The following OSBPL10 variants were observed in gnomAD, a reference collection of about 807,000 sequenced individuals.
The protein encoded by OSBPL10 is oxysterol-binding protein-related protein 10.
A neutral mutation model predicts 81.7 loss-of-function variants in OSBPL10; 49 were observed. That is an observed-to-expected ratio of 0.60 (90% CI 0.48 to 0.76). The LOEUF is 0.76. OSBPL10 is among the 30% of genes least tolerant of loss of function. OSBPL10 has a pLI of 0.00. For synonymous variants in OSBPL10, 419 were observed against 383.6 expected, an observed-to-expected ratio of 1.09 and a Z score of -1.08; for missense variants, 923 against 987.8, an observed-to-expected ratio of 0.93 and a Z score of 0.88.
At chr3:31,682,623 G>GC (rs1353139983) in intron 8 of OSBPL10, among the ~76,000 whole-genome samples, 1 of 152,132 alleles carries the variant, frequency 6.6e-6, no homozygotes, top group African/African-American at 2.4e-5. Flanking sequence ...AAGCTCAACT[G>GC]CCCTCTCCCT....
At chr3:31,989,358 A>T in intron 2 of OSBPL10, 7 of 1,614,204 alleles carry the variant, frequency 4.3e-6, no homozygotes, top group Non-Finnish European at 5.9e-6. Flanking sequence ...AAAGACATGA[A>T]AGTCATCACA....
chr3:31,756,549 A>G (rs1575524521), intron 4 of OSBPL10, among the ~76,000 whole-genome samples: 1 of 152,200 alleles, frequency 6.6e-6, no homozygotes, highest in Non-Finnish European at 1.5e-5. Flanking sequence ...TTATATCTAC[A>G]CACACAGAGG....
rs562992219 is a variant in OSBPL10, at chr3:31,660,917, A to G, written c.*1155T>C. The G allele has an allele frequency of 3.3e-5, 5 of 152,810 alleles. No individual in the cohort carries two copies. In the East Asian group the frequency reaches 9.6e-4, roughly 29 times the overall value. The allele number at this position is 152,810 out of a possible 1,614,324, so 9.5% of individuals were successfully genotyped here. A position where few individuals can be genotyped will look rare whatever the true frequency, so the allele number is the denominator to read the frequency against. ...CAAAAGGCACAAAATTAGTATTACT[A>G]CAGAGAAGCATTCATGCTATTTGGA... On this transcript the variant is annotated 3_prime_UTR_variant, in exon 12 of 12. Coordinates refer to ENST00000396556, the MANE Select transcript of OSBPL10 (RefSeq NM_017784.5).
chr3:31,791,665 C>A (rs1028200893), intron 4 of OSBPL10, among the ~76,000 whole-genome samples: 3 of 151,382 alleles, frequency 2.0e-5, no homozygotes, highest in Non-Finnish European at 2.9e-5. Flanking sequence ...TTCCACAAAG[C>A]TTTACTAAGC....
chr3:31,972,612 C>A (rs11716431), intron 1 of OSBPL10, among the ~76,000 whole-genome samples: 2 of 152,112 alleles, frequency 1.3e-5, no homozygotes, highest in African/African-American at 4.8e-5. Flanking sequence ...GTTCTACCCA[C>A]ACATAAGGAG....
At chr3:32,017,332 C>G (rs1041239723) in intron 2 of OSBPL10, among the ~76,000 whole-genome samples, 1 of 152,186 alleles carries the variant, frequency 6.6e-6, no homozygotes, top group African/African-American at 2.4e-5. Flanking sequence ...CTTAGCTATA[C>G]TGGTCTCAGA....
chr3:31,749,983 C>A (rs1697662022), intron 4 of OSBPL10, among the ~76,000 whole-genome samples: 1 of 151,984 alleles, frequency 6.6e-6, no homozygotes, highest in African/African-American at 2.4e-5. Context: ...GAGTTCGAAA[C>A]CAGCCTCGCC....
At chr3:31,889,910 T>C (rs999670582) in intron 1 of OSBPL10, among the ~76,000 whole-genome samples, 8 of 152,142 alleles carry the variant, frequency 5.3e-5, no homozygotes, top group African/African-American at 1.7e-4. Flanking sequence ...ATGTAGCCCA[T>C]AAATATGTAC....
intron 1 of OSBPL10, among the ~76,000 whole-genome samples, chr3:31,953,283 GAAGC>G (rs1697920604): frequency 6.6e-6 from 1 of 151,990 alleles, no homozygotes; most frequent in Non-Finnish European, 1.5e-5. Context: ...CCACGGGACA[GAAGC>G]AAGGCAGGAA....
chr3:31,891,333 T>C (rs951357246), intron 1 of OSBPL10, among the ~76,000 whole-genome samples: 4 of 152,094 alleles, frequency 2.6e-5, no homozygotes, highest in Non-Finnish European at 5.9e-5. Flanking sequence ...GCAGGAGAAT[T>C]TGATTTCTAA....
chr3:31,761,753 T>G (rs1698047685), intron 4 of OSBPL10, among the ~76,000 whole-genome samples: 2 of 146,954 alleles, frequency 1.4e-5, no homozygotes, highest in Non-Finnish European at 2.9e-5. Flanking sequence ...AGGTGGAGGT[T>G]GCAGTGAGCC....
chr3:32,039,808 A>AATTGT (rs1337375752), intron 2 of OSBPL10, among the ~76,000 whole-genome samples: 1 of 152,214 alleles, frequency 6.6e-6, no homozygotes, highest in Non-Finnish European at 1.5e-5. Context: ...CATAATCTAT[A>AATTGT]ATATTATAAT....
chr3:31,974,665 T>A (rs1355254661), intron 1 of OSBPL10, among the ~76,000 whole-genome samples: 1 of 151,992 alleles, frequency 6.6e-6, no homozygotes, highest in Non-Finnish European at 1.5e-5. Flanking sequence ...AATACACAGT[T>A]CAAAAGGAGA....
chr3:31,767,276 C>A (rs143269928), intron 4 of OSBPL10, among the ~76,000 whole-genome samples: 3 of 152,212 alleles, frequency 2.0e-5, no homozygotes, highest in East Asian at 3.9e-4. Context: ...TCTTCTCCCA[C>A]GACCATCACT....
intron 1 of OSBPL10, among the ~76,000 whole-genome samples, chr3:31,957,342 GCA>G (rs1698038563): frequency 6.6e-6 from 1 of 152,070 alleles, no homozygotes; most frequent in Non-Finnish European, 1.5e-5. Flanking sequence ...TCTCCCCTGA[GCA>G]CAGTTATGAG....
chr3:31,767,438 A>T (rs1307244537), intron 4 of OSBPL10, among the ~76,000 whole-genome samples: 2 of 152,184 alleles, frequency 1.3e-5, no homozygotes, highest in African/African-American at 4.8e-5. Flanking sequence ...CTTGGGCAAC[A>T]TGACACCTCT....
At chr3:31,711,559 T>C (rs144214096) in intron 6 of OSBPL10, among the ~76,000 whole-genome samples, 2 of 152,198 alleles carry the variant, frequency 1.3e-5, no homozygotes, top group African/African-American at 4.8e-5. Context: ...AAAGAAAGCA[T>C]GGGAAACTTG....
intron 4 of OSBPL10, among the ~76,000 whole-genome samples, chr3:31,761,827 A>AAAAAAAAAAAAAAAAAAAAAAC (rs996116489): frequency 6.7e-6 from 1 of 149,434 alleles, no homozygotes; most frequent in African/African-American, 2.6e-5. Context: ...AAAAAAAAAA[A>AAAAAAAAAAAAAAAAAAAAAAC]AAAACCCTAA....
Position 31,980,797 on chromosome 3 carries a change from T to A in OSBPL10, c.281+102A>T. On this transcript the variant is annotated intron_variant, in intron 1 of 11. Coordinates refer to ENST00000396556, the MANE Select transcript of OSBPL10 (RefSeq NM_017784.5). The stretch of plus-strand genomic sequence containing the variant: ...ATCACTGGGTTCGCTGAAGGCACAA[T>A]CGCGCGCGCACACACATACACAGAC... The A allele has an allele frequency of 2.2e-6, 3 of 1,334,586 alleles. No homozygotes were observed. The South Asian group carries it at 5.6e-5, about 25-fold the overall frequency. 82.7% of individuals were successfully genotyped at this position (1,334,586 alleles called of 1,614,324 possible).
Sources: allele counts gnomAD v4.1 joint callset (sites outside exome capture counted in the v4.1 genomes callset), GRCh38; gene constraint gnomAD v4.1.1; transcripts MANE v1.5; gene names NCBI Gene and HGNC (gene_info 2026-07-23, HGNC 2026-07-21).